FLVCR2: variants seen among roughly 807,000 people sequenced by gnomAD.
FLVCR2 encodes the protein choline/ethanolamine transporter FLVCR2.
A neutral mutation model predicts 48.9 loss-of-function variants in FLVCR2; 38 were observed. The ratio of observed to expected loss-of-function variants is 0.78; its 90% CI spans 0.60 to 1.02. FLVCR2 has a LOEUF of 1.02. FLVCR2 is among the 50% of genes least tolerant of loss of function. The pLI, the probability that FLVCR2 is intolerant of heterozygous loss-of-function variation, is 0.00. For missense variants in FLVCR2, 664 were observed against 663.3 expected (o/e 1.00, Z -0.01); for synonymous variants, 255 against 257.0 (o/e 0.99, Z 0.07).
At chr14:75,615,503 G>A (rs946966811) in intron 1 of FLVCR2, among the ~76,000 whole-genome samples, 5 of 152,176 alleles carry the variant, frequency 3.3e-5, no homozygotes, top group Non-Finnish European at 7.3e-5. Flanking sequence ...CAGACAGGGA[G>A]TGAGCCTCAG....
chr14:75,622,291 G>A (rs1381215454), intron 2 of FLVCR2, 71 bp downstream of exon 2: 17 of 1,431,100 alleles, frequency 1.2e-5, no homozygotes, highest in Non-Finnish European at 2.0e-6. Flanking sequence ...ACTTTGATGG[G>A]ACCCTTGTGA....
chr14:75,633,563 G>C (rs930251002), intron 3 of FLVCR2, 66 bp from the exon 4 acceptor site: 1 of 1,258,922 alleles, frequency 7.9e-7, no homozygotes, highest in Admixed American at 1.7e-5. Flanking sequence ...AATGCTGGGG[G>C]AGAAGTTAGC....
At chr14:75,633,719 T>C in intron 4 of FLVCR2, 23 bp downstream of exon 4, 2 of 1,582,452 alleles carry the variant, frequency 1.3e-6, no homozygotes, top group East Asian at 2.2e-5. Context: ...CCTAAGCATG[T>C]TGGGCCTCAA....
At chr14:75,582,229 GC>G (rs1011495465) in intron 1 of FLVCR2, among the ~76,000 whole-genome samples, 3 of 152,180 alleles carry the variant, frequency 2.0e-5, no homozygotes, top group African/African-American at 4.8e-5. Context: ...TATTAAGGAG[GC>G]ATTAATGATG....
Position 75,646,533 on chromosome 14 carries a change from T to TGAGAG in FLVCR2, c.*61_*62insGAGAG. ...CCCACCTTTTCCTTCAGCACAGCTC[T>TGAGAG]CACCGCCAGCACAAAGGGCTTCGCT... On this transcript the variant is annotated 3_prime_UTR_variant, in exon 10 of 10. Coordinates refer to ENST00000238667, the MANE Select transcript of FLVCR2 (RefSeq NM_017791.3). 8.2e-7 allele frequency: 1 copy of TGAGAG among 1,216,862 alleles called. No homozygotes were observed. The highest frequency in any genetic ancestry group is 1.2e-6 in the Non-Finnish European group (1 of 820,162). 75.4% of individuals were successfully genotyped at this position (1,216,862 alleles called of 1,614,324 possible).
intron 1 of FLVCR2, chr14:75,604,135 T>A (rs1211203375): frequency 1.3e-5 from 2 of 152,232 alleles, no homozygotes; most frequent in African/African-American, 4.8e-5. Flanking sequence ...ACAGTGTGCG[T>A]TGGACTGTGC....
chr14:75,608,052 A>G (rs777032960), intron 1 of FLVCR2, among the ~76,000 whole-genome samples: 2 of 152,198 alleles, frequency 1.3e-5, no homozygotes, highest in Admixed American at 6.5e-5. Context: ...CCTGGGCAAC[A>G]GTGTGAGTTC....
chr14:75,611,935 C>A (rs1016633890), intron 1 of FLVCR2, among the ~76,000 whole-genome samples: 1 of 152,136 alleles, frequency 6.6e-6, no homozygotes, highest in African/African-American at 2.4e-5. Flanking sequence ...TTAAGACCAG[C>A]GCCTTTAACC....
intron 3 of FLVCR2, chr14:75,632,893 C>T (rs1361938997): frequency 2.0e-5 from 14 of 702,194 alleles, no homozygotes; most frequent in Admixed American, 6.0e-5. Context: ...TATGTGCAGC[C>T]GCCATTGTCA....
At chr14:75,641,449 T>G (rs1260185867) in intron 8 of FLVCR2, among the ~76,000 whole-genome samples, 156 bp downstream of exon 8, 1 of 152,148 alleles carries the variant, frequency 6.6e-6, no homozygotes, top group Non-Finnish European at 1.5e-5. Context: ...TTTGGTAGAA[T>G]GAGCATGGGT....
At position 75,624,762 on chromosome 14, in the gene FLVCR2, C is replaced by CACCT. The variant is rs773607939; in HGVS notation, c.952+11_952+12insCCTA. The stretch of plus-strand genomic sequence containing the variant: ...CTTGTCATCACCTATGGTAAGGTGT[C>CACCT]AATGTGTCTAGGAATGCATTCGAGC... On this transcript the variant is annotated intron_variant, in intron 3 of 9. Transcript: ENST00000238667. 2 of 1,613,882 alleles carry CACCT rather than the reference C, an allele frequency of 1.2e-6. No homozygotes were observed. Among genetic ancestry groups the CACCT allele is most frequent in the African/African-American group, 2.7e-5 (2 of 74,880 alleles).
In FLVCR2 at chr14:75,579,124, G is replaced by T. The variant is rs148295074; in HGVS notation, c.152G>T (p.Ser51Ile). ...CCCAGCGTCTCTGTCCACCCCAGCA[G>T]TTCGGCCCACCCCAGTGCCTTAGCC... Reference protein sequence around the residue: ...INPSVSVHPSSSAHPSALAQP... With the variant: ...INPSVSVHPSISAHPSALAQP... Residue 51 changes from serine to isoleucine, a missense_variant, in exon 1 of 10, where the codon AGT becomes ATT. By Grantham distance (142) the Ser-to-Ile change is moderately radical. Transcript: ENST00000238667. 2 of 1,613,942 alleles carry T rather than the reference G, an allele frequency of 1.2e-6. No individual in the cohort carries two copies. The highest frequency in any genetic ancestry group is 1.3e-5 in the African/African-American group (1 of 74,902).
intron 5 of FLVCR2, among the ~76,000 whole-genome samples, chr14:75,637,592 G>A (rs897505380): frequency 2.0e-4 from 30 of 152,022 alleles, no homozygotes; most frequent in Admixed American, 1.9e-3. Flanking sequence ...TTAGCCAGGC[G>A]TGGTGGCGGG....
chr14:75,609,653 C>T (rs2045234756), intron 1 of FLVCR2, among the ~76,000 whole-genome samples: 1 of 152,200 alleles, frequency 6.6e-6, no homozygotes, highest in Admixed American at 6.5e-5. Flanking sequence ...GAAGCAGCAA[C>T]TCTTCCAGGG....
rs1890298034 is a variant in FLVCR2, at chr14:75,641,071, T to C, written c.1341+11T>C. 3.1e-6 allele frequency: 5 copies of C among 1,604,704 alleles called. No individual in the cohort carries two copies. The highest frequency in any genetic ancestry group is 4.3e-6 in the Non-Finnish European group (5 of 1,171,454). ...AACATATCTGCACAGGTAGAGCTCG[T>C]ATTTCCTGTTTGTTTCCTGGCTGGG... On this transcript the variant is annotated intron_variant, in intron 7 of 9. Transcript: ENST00000238667.
At chr14:75,580,837 T>A (rs1888580350) in intron 1 of FLVCR2, among the ~76,000 whole-genome samples, 1 of 152,230 alleles carries the variant, frequency 6.6e-6, no homozygotes, top group Non-Finnish European at 1.5e-5. Flanking sequence ...ACTTTTTTTG[T>A]GGATCTTCAG....
intron 1 of FLVCR2, among the ~76,000 whole-genome samples, chr14:75,611,538 C>T (rs540426753): frequency 1.3e-5 from 2 of 152,234 alleles, no homozygotes; most frequent in African/African-American, 4.8e-5. Flanking sequence ...GAGTTCGAGA[C>T]CAACCTGGGC....
At chr14:75,632,900 G>A (rs1468366154) in intron 3 of FLVCR2, 1 of 702,178 alleles carries the variant, frequency 1.4e-6, no homozygotes, top group African/African-American at 1.7e-5. Flanking sequence ...AGCCGCCATT[G>A]TCATCATCAT....
intron 5 of FLVCR2, among the ~76,000 whole-genome samples, chr14:75,635,906 G>T (rs1890157823): frequency 6.6e-6 from 1 of 152,112 alleles, no homozygotes; most frequent in African/African-American, 2.4e-5. Context: ...AAATTAAAAG[G>T]TTTTAGTGAA....
Sources: gnomAD v4.1 joint callset for allele counts (sites outside exome capture counted in the v4.1 genomes callset) on GRCh38, gnomAD v4.1.1 for gene constraint, MANE v1.5 for transcripts, NCBI Gene and HGNC (gene_info 2026-07-23, HGNC 2026-07-21) for gene names.